The following ACVR1 variants were observed in gnomAD, a reference collection of about 807,000 sequenced individuals.
The protein encoded by ACVR1 is activin A receptor type 1, also known as activin receptor type-1.
ACVR1 carries 38 observed loss-of-function variants against 57.1 expected under a neutral mutation model. That is an observed-to-expected ratio of 0.67 (90% CI 0.51 to 0.87). ACVR1 has a LOEUF of 0.87. Ranked by LOEUF, ACVR1 falls within the 40% of genes least tolerant of loss-of-function variation. The pLI, the probability that ACVR1 is intolerant of heterozygous loss-of-function variation, is 0.00. For synonymous variants in ACVR1, 212 were observed against 228.1 expected, an observed-to-expected ratio of 0.93 and a Z score of 0.63; for missense variants, 463 against 638.2, an observed-to-expected ratio of 0.73 and a Z score of 2.96.
chr2:157,774,441 T>G (rs1686195473), intron 5 of ACVR1, among the ~76,000 whole-genome samples: 1 of 152,236 alleles, frequency 6.6e-6, no homozygotes, highest in Admixed American at 6.5e-5. Flanking sequence ...CTGGGTTCAC[T>G]GCAACCTCCA....
At chr2:157,802,813 CTG>C (rs1687375442) in intron 2 of ACVR1, among the ~76,000 whole-genome samples, 1 of 152,192 alleles carries the variant, frequency 6.6e-6, no homozygotes, top group African/African-American at 2.4e-5. Context: ...TGTCACTAGA[CTG>C]TGAATTCCAC....
At chr2:157,839,775 T>C (rs112332621) in intron 1 of ACVR1, among the ~76,000 whole-genome samples, 8 of 152,258 alleles carry the variant, frequency 5.3e-5, no homozygotes, top group African/African-American at 1.7e-4. Context: ...CACAAGAACT[T>C]AGTACTTTTT....
At position 157,770,510 on chromosome 2, in the gene ACVR1, T is replaced by C. The variant is rs1396618797; in HGVS notation, c.648A>G (p.Lys216=). The C allele has an allele frequency of 1.2e-6, 2 of 1,613,996 alleles. No individual in the cohort carries two copies. Among genetic ancestry groups the C allele is most frequent in the African/African-American group, 1.3e-5 (1 of 75,016 alleles). Residue 216 remains lysine (K), a synonymous_variant, in exon 7 of 11, where the codon AAA becomes AAG. Transcript: ENST00000434821. ...CCCTCCACACCTCACCATACCTGCC[T>C]TTCCCTATGAAAAGCAAAACATAGG... ...RQITLLECVG[K]GRYGEVWRGS... is the part of the protein sequence containing the mutation.
At chr2:157,874,150 T>C (rs1487467219) in intron 1 of ACVR1, among the ~76,000 whole-genome samples, 1 of 152,250 alleles carries the variant, frequency 6.6e-6, no homozygotes, top group African/African-American at 2.4e-5. Context: ...CCAGAATTTA[T>C]CTATCCATCA....
In ACVR1 at chr2:157,853,848, A is replaced by G. The variant is rs542364931; in HGVS notation, c.-183+21948T>C. 3.9e-5 allele frequency among the ~76,000 whole-genome samples: 6 copies of G among 152,264 alleles called. No individual in the cohort carries two copies. The South Asian group carries it at 8.3e-4, about 21-fold the overall frequency. On this transcript the variant is annotated intron_variant, in intron 1 of 10. Coordinates refer to ENST00000434821, the MANE Select transcript of ACVR1 (RefSeq NM_001111067.4). ...TCTATCTTTACAATGAAGTTTCCCTATGCTAAAATGCCCTTCCTCTACATT... is the reference window on the plus strand; with the variant it reads ...TCTATCTTTACAATGAAGTTTCCCTGTGCTAAAATGCCCTTCCTCTACATT...
chr2:157,813,698 A>C (rs976210395), intron 2 of ACVR1, among the ~76,000 whole-genome samples: 1 of 152,250 alleles, frequency 6.6e-6, no homozygotes, highest in African/African-American at 2.4e-5. Context: ...TGGATGTGGG[A>C]GGTTCTGCTG....
At chr2:157,783,394 A>C (rs915230912) in intron 3 of ACVR1, among the ~76,000 whole-genome samples, 10 of 152,224 alleles carry the variant, frequency 6.6e-5, no homozygotes, top group African/African-American at 2.4e-4. Context: ...CCTCAAGTAA[A>C]TATCACCTTC....
intron 2 of ACVR1, among the ~76,000 whole-genome samples, chr2:157,817,892 C>T (rs1688000688): frequency 6.6e-6 from 1 of 151,678 alleles, no homozygotes; most frequent in Non-Finnish European, 1.5e-5. Context: ...GTCCCAGCTA[C>T]TCAAGAGGCT....
chr2:157,792,289 A>G (rs899106163), intron 3 of ACVR1, among the ~76,000 whole-genome samples: 1 of 152,286 alleles, frequency 6.6e-6, no homozygotes, highest in South Asian at 2.1e-4. Flanking sequence ...CGTAACAAAG[A>G]ATTAGATGTA....
rs569371704 is a variant in ACVR1, at chr2:157,802,684, T to A, written c.-7-3184A>T. ...AAGGCTACCACCTTCTAGAAGCCTG[T>A]CTAAACCCTTAAGTACTCTCTGCTC... is the stretch of plus-strand genomic sequence containing the variant. On this transcript the variant is annotated intron_variant, in intron 2 of 10. Transcript: ENST00000434821. 2.3e-4 allele frequency among the ~76,000 whole-genome samples: 35 copies of A among 152,322 alleles called. 1 individual carries two copies. Among genetic ancestry groups the A allele is most frequent in the Middle Eastern group, 6.8e-3 (2 of 294 alleles).
intron 9 of ACVR1, among the ~76,000 whole-genome samples, chr2:157,751,456 G>A (rs575545310): frequency 4.6e-5 from 7 of 152,296 alleles, no homozygotes; most frequent in South Asian, 2.1e-4. Flanking sequence ...TTCCTTGCCC[G>A]AACTCAGGGG....
intron 8 of ACVR1, among the ~76,000 whole-genome samples, chr2:157,765,305 A>C (rs1344132698): frequency 6.6e-6 from 1 of 152,240 alleles, no homozygotes; most frequent in Non-Finnish European, 1.5e-5. Context: ...CCTTGGTTAC[A>C]GAATGATTTT....
At chr2:157,865,542 A>C (rs895791973) in intron 1 of ACVR1, among the ~76,000 whole-genome samples, 70 of 152,314 alleles carry the variant, frequency 4.6e-4, no homozygotes, top group African/African-American at 1.7e-3. Context: ...CTGTAATCCC[A>C]GCACTTTGGG....
intron 1 of ACVR1, among the ~76,000 whole-genome samples, chr2:157,849,983 C>T (rs867865444): frequency 1.3e-5 from 2 of 151,942 alleles, no homozygotes; most frequent in Non-Finnish European, 2.9e-5. Flanking sequence ...TTAAAAGATG[C>T]GATTGAAAAA....
chr2:157,842,818 C>T (rs1689021323), intron 1 of ACVR1, among the ~76,000 whole-genome samples: 1 of 152,108 alleles, frequency 6.6e-6, no homozygotes, highest in Non-Finnish European at 1.5e-5. Context: ...AAAATATTAA[C>T]TCTGGGCAGG....
chr2:157,834,271 T>C (rs992365909), intron 1 of ACVR1, among the ~76,000 whole-genome samples: 7 of 152,150 alleles, frequency 4.6e-5, no homozygotes, highest in Non-Finnish European at 1.0e-4. Flanking sequence ...TTTTGTGTTT[T>C]TAGCAGAGAC....
chr2:157,864,445 C>T (rs967149348), intron 1 of ACVR1, among the ~76,000 whole-genome samples: 1 of 151,998 alleles, frequency 6.6e-6, no homozygotes, highest in African/African-American at 2.4e-5. Flanking sequence ...AACTCCTGCA[C>T]TCAAGGAATC....
rs1242575527 is a variant in ACVR1, at chr2:157,766,120, T to A, written c.867A>T (p.Gly289=). The change falls in exon 8 of 11, where the codon GGA becomes GGT. Residue 289 remains glycine (G), a synonymous_variant. Coordinates refer to ENST00000434821, the MANE Select transcript of ACVR1 (RefSeq NM_001111067.4). Reference sequence around the variant, plus strand: ...TAAGCTGAAGATAGTCGTACAACGATCCCATTTCATGATAATGTGTAATTA... The same window carrying A: ...TAAGCTGAAGATAGTCGTACAACGAACCCATTTCATGATAATGTGTAATTA... ...LWLITHYHEM[G]SLYDYLQLTT... 5.0e-6 allele frequency: 8 copies of A among 1,614,136 alleles called. No individual in the cohort carries two copies. Among genetic ancestry groups the A allele is most frequent in the Admixed American group, 1.7e-5 (1 of 60,028 alleles).
At chr2:157,818,337 T>G (rs1270920964) in intron 2 of ACVR1, 48 bp downstream of exon 2, 2 of 152,256 alleles carry the variant, frequency 1.3e-5, no homozygotes, top group Non-Finnish European at 2.9e-5. Context: ...CACTGCTGGT[T>G]CTGGCAATGC....
Sources: allele counts gnomAD v4.1 joint callset (sites outside exome capture counted in the v4.1 genomes callset), GRCh38; gene constraint gnomAD v4.1.1; transcripts MANE v1.5; gene names NCBI Gene and HGNC (gene_info 2026-07-23, HGNC 2026-07-21).